DAAM1: variants seen among roughly 807,000 people sequenced by gnomAD.
DAAM1 encodes dishevelled associated activator of morphogenesis 1.
In DAAM1, 52 loss-of-function variants were observed where a neutral mutation model predicts 130.0. The observed-to-expected ratio is 0.40, with a 90% CI of 0.32 to 0.50. The LOEUF is 0.50. DAAM1 is among the 20% of genes least tolerant of loss of function. The probability of loss-of-function intolerance (pLI) is 0.61; values close to 1 mark genes in which losing one functional copy is unlikely to be tolerated. For missense variants in DAAM1, 1,134 were observed against 1,303.8 expected, an observed-to-expected ratio of 0.87 and a Z score of 2.01; for synonymous variants, 452 against 444.5, an observed-to-expected ratio of 1.02 and a Z score of -0.21.
intron 16 of DAAM1, among the ~76,000 whole-genome samples, chr14:59,341,464 A>G (rs1182684258): frequency 6.6e-6 from 1 of 152,204 alleles, no homozygotes; most frequent in Non-Finnish European, 1.5e-5. Context: ...GTACAACAAG[A>G]TATTTGGAGG....
chr14:59,236,673 TTGTC>T (rs762684176), intron 1 of DAAM1, among the ~76,000 whole-genome samples: 5 of 152,168 alleles, frequency 3.3e-5, no homozygotes, highest in Admixed American at 6.5e-5. Context: ...GTGATTATCT[TTGTC>T]TGTCTCCTCT....
intron 22 of DAAM1, among the ~76,000 whole-genome samples, chr14:59,361,391 C>T (rs372881779): frequency 3.3e-5 from 5 of 152,114 alleles, no homozygotes; most frequent in African/African-American, 7.2e-5. Context: ...TCAGCCTGGC[C>T]GCATCCAGAT....
At position 59,367,616 on chromosome 14, in the gene DAAM1, T is replaced by C. The variant is rs200911082; in HGVS notation, c.2997+17T>C. 7 of 1,608,224 alleles carry C rather than the reference T, an allele frequency of 4.4e-6. No individual in the cohort carries two copies. In the Admixed American group the frequency reaches 5.0e-5, roughly 12 times the overall value. On this transcript the variant is annotated intron_variant, in intron 24 of 24. Coordinates refer to ENST00000360909, the MANE Select transcript of DAAM1 (RefSeq NM_001270520.2). ...GAAGCTCAGGTGAGAGGATGATTAA[T>C]TGACCAATTCCACCTCCTAGAAGTT...
At chr14:59,343,861 T>TGG (rs1333302730) in intron 16 of DAAM1, among the ~76,000 whole-genome samples, 3 of 152,094 alleles carry the variant, frequency 2.0e-5, no homozygotes, top group Non-Finnish European at 4.4e-5. Flanking sequence ...TGCATTTGAA[T>TGG]GGGGAGCTCC....
intron 1 of DAAM1, among the ~76,000 whole-genome samples, chr14:59,248,805 A>G (rs1881508669): frequency 6.6e-6 from 1 of 152,028 alleles, no homozygotes; most frequent in South Asian, 2.1e-4. Flanking sequence ...TTGTTTTGAG[A>G]TGGAGTCTCG....
At chr14:59,309,735 T>C (rs2139596761) in intron 3 of DAAM1, among the ~76,000 whole-genome samples, 1 of 152,362 alleles carries the variant, frequency 6.6e-6, no homozygotes, top group African/African-American at 2.4e-5. Flanking sequence ...TGTTCCAGAT[T>C]GTTCCACACT....
intron 21 of DAAM1, chr14:59,360,538 T>G: frequency 3.6e-6 from 1 of 277,370 alleles, no homozygotes; most frequent in Non-Finnish European, 6.6e-6. Flanking sequence ...ACATAAAATA[T>G]TTTTGTACAG....
intron 17 of DAAM1, among the ~76,000 whole-genome samples, chr14:59,348,202 C>A (rs1307564000): frequency 1.3e-5 from 2 of 152,116 alleles, no homozygotes; most frequent in African/African-American, 4.8e-5. Flanking sequence ...ATTTAAATGC[C>A]AGGGGTAGCA....
At chr14:59,341,804 C>T (rs906911755) in intron 16 of DAAM1, among the ~76,000 whole-genome samples, 1 of 152,154 alleles carries the variant, frequency 6.6e-6, no homozygotes, top group Non-Finnish European at 1.5e-5. Context: ...TTTTTACATC[C>T]TAGAATTTCT....
Position 59,326,606 on chromosome 14 carries a change from C to T in DAAM1, c.1271C>T (p.Ser424Phe). Residue 424 changes from serine to phenylalanine, a missense_variant, in exon 11 of 25, where the codon TCC (serine) becomes TTC (phenylalanine). By Grantham distance (155) the Ser-to-Phe change is radical. Coordinates refer to ENST00000360909, the MANE Select transcript of DAAM1 (RefSeq NM_001270520.2). ...IQNDKGQDPDSTPLENFNIKN... is the reference protein window; with the variant it reads ...IQNDKGQDPDFTPLENFNIKN... ...AATGACAAAGGACAGGACCCTGACT[C>T]CACACCTTTGGAAAACTTTAATATT... 6.2e-7 allele frequency: 1 copy of T among 1,613,736 alleles called. No homozygotes were observed. Among genetic ancestry groups the T allele is most frequent in the South Asian group, 1.1e-5 (1 of 91,010 alleles).
intron 16 of DAAM1, among the ~76,000 whole-genome samples, chr14:59,342,993 A>G (rs1171546180): frequency 6.6e-6 from 1 of 152,208 alleles, no homozygotes; most frequent in Non-Finnish European, 1.5e-5. Context: ...AAATTCAGGC[A>G]TTGTGCATTT....
intron 1 of DAAM1, among the ~76,000 whole-genome samples, chr14:59,242,816 A>G (rs1881190048): frequency 6.6e-6 from 1 of 152,060 alleles, no homozygotes; most frequent in Admixed American, 6.6e-5. Flanking sequence ...GGCCTCCCAA[A>G]GTGCTGGGAT....
intron 1 of DAAM1, among the ~76,000 whole-genome samples, chr14:59,256,039 G>A (rs1415767284): frequency 2.0e-5 from 3 of 149,134 alleles, no homozygotes; most frequent in African/African-American, 7.3e-5. Flanking sequence ...CTTGGCAATT[G>A]GATTCCTCAG....
intron 5 of DAAM1, among the ~76,000 whole-genome samples, chr14:59,321,921 G>A (rs922370060): frequency 2.0e-5 from 3 of 152,100 alleles, no homozygotes; most frequent in African/African-American, 7.2e-5. Context: ...CTTTTCGGTG[G>A]CTTTAATATG....
At position 59,363,705 on chromosome 14, in the gene DAAM1, G is replaced by T. The variant is rs745627328; in HGVS notation, c.2749G>T (p.Val917Phe). 1 of 1,614,142 alleles carries T rather than the reference G, an allele frequency of 6.2e-7. No individual in the cohort carries two copies. Among genetic ancestry groups the T allele is most frequent in the Non-Finnish European group, 8.5e-7 (1 of 1,180,002 alleles). ...ACAGCCCGGAGATAAGTTTGTGTCTGTTGTCAGCCAGTTCATCACAGTAGC... is the reference window on the plus strand; with the variant it reads ...ACAGCCCGGAGATAAGTTTGTGTCTTTTGTCAGCCAGTTCATCACAGTAGC... Reference protein sequence around the residue: ...PPQPGDKFVSVVSQFITVASF... With the variant: ...PPQPGDKFVSFVSQFITVASF... Residue 917 changes from valine to phenylalanine, a missense_variant, in exon 23 of 25, where the codon GTT becomes TTT. This residue lies in a region of DAAM1 where 644 missense variants were observed against 695.9 expected (regional missense o/e 0.93). Coordinates refer to ENST00000360909, the MANE Select transcript of DAAM1 (RefSeq NM_001270520.2).
In DAAM1 at chr14:59,242,434, A is replaced by G. The variant is rs138485419; in HGVS notation, c.-37-21007A>G. 7.0e-4 allele frequency among the ~76,000 whole-genome samples: 106 copies of G among 152,338 alleles called. 1 individual carries two copies. The highest frequency in any genetic ancestry group is 4.8e-3 in the Admixed American group (74 of 15,300). ...TGGGCACATAGCATTGGCTTTGCCA[A>G]TCAAGTCACTCCATCCCCTGGACAG... On this transcript the variant is annotated intron_variant, in intron 1 of 24. Coordinates refer to ENST00000360909, the MANE Select transcript of DAAM1 (RefSeq NM_001270520.2).
At chr14:59,362,458 A>G (rs945973778) in intron 22 of DAAM1, 3 of 152,210 alleles carry the variant, frequency 2.0e-5, no homozygotes, top group African/African-American at 4.8e-5. Flanking sequence ...TTATACATTA[A>G]TGAAACACTT....
At position 59,256,261 on chromosome 14, in the gene DAAM1, T is replaced by C. The variant is rs370595304; in HGVS notation, c.-37-7180T>C. On this transcript the variant is annotated intron_variant, in intron 1 of 24. Coordinates refer to ENST00000360909, the MANE Select transcript of DAAM1 (RefSeq NM_001270520.2). ...TCAAAGGGAAAGTATTAGGGAGGGT[T>C]TTCTTGTGGACTGTAGGTTGTTCTC... Among the ~76,000 whole-genome samples, 23 of 152,324 alleles carry C rather than the reference T, an allele frequency of 1.5e-4. 1 individual carries two copies. Among genetic ancestry groups the C allele is most frequent in the Admixed American group, 8.5e-4 (13 of 15,306 alleles).
chr14:59,301,149 A>G (rs1030322606), intron 3 of DAAM1, among the ~76,000 whole-genome samples: 4 of 152,210 alleles, frequency 2.6e-5, no homozygotes, highest in East Asian at 1.9e-4. Context: ...TGTTTCCAGC[A>G]TAAGAAACTG....
Sources: gnomAD v4.1 joint callset for allele counts (sites outside exome capture counted in the v4.1 genomes callset) on GRCh38, gnomAD v4.1.1 for gene constraint, gnomAD v4.1.1 regional missense constraint, MANE v1.5 for transcripts, NCBI Gene and HGNC (gene_info 2026-07-23, HGNC 2026-07-21) for gene names.